The following GPR158 variants were observed in gnomAD, a reference collection of about 807,000 sequenced individuals.
The protein encoded by GPR158 is G protein-coupled receptor 158.
GPR158 carries 30 observed loss-of-function variants against 78.2 expected under a neutral mutation model. The ratio of observed to expected loss-of-function variants is 0.38; its 90% confidence interval spans 0.29 to 0.52. The LOEUF (loss-of-function observed/expected upper bound fraction) is 0.52. Among genes scored for constraint, GPR158 ranks in the 20% least tolerant of loss-of-function variants. GPR158 has a pLI of 0.83. For missense variants in GPR158, 1,463 were observed against 1,523.5 expected, an observed-to-expected ratio of 0.96 and a Z score of 0.66; for synonymous variants, 581 against 591.1, an observed-to-expected ratio of 0.98 and a Z score of 0.25.
chr10:25,371,427 G>T (rs184794708), intron 2 of GPR158, among the ~76,000 whole-genome samples: 7 of 151,802 alleles, frequency 4.6e-5, no homozygotes, highest in Admixed American at 2.0e-4. Context: ...AACAAAGCTG[G>T]AGGCATCATG....
chr10:25,407,067 T>C (rs1230626712), intron 3 of GPR158, among the ~76,000 whole-genome samples: 2 of 152,196 alleles, frequency 1.3e-5, no homozygotes, highest in African/African-American at 4.8e-5. Flanking sequence ...GCTTAGATTT[T>C]GAATAACTTA....
chr10:25,520,424 C>T (rs1164931047), intron 5 of GPR158, among the ~76,000 whole-genome samples: 31 of 150,364 alleles, frequency 2.1e-4, no homozygotes, highest in East Asian at 3.9e-4. Context: ...TGAGGAACTG[C>T]GTTCCTTTGG....
At chr10:25,552,081 A>T (rs1836733164) in intron 6 of GPR158, among the ~76,000 whole-genome samples, 1 of 152,120 alleles carries the variant, frequency 6.6e-6, no homozygotes, top group African/African-American at 2.4e-5. Context: ...CTTTTTGGGA[A>T]AAAAAAGTGA....
At chr10:25,593,064 C>G (rs1837362433) in intron 8 of GPR158, among the ~76,000 whole-genome samples, 1 of 151,926 alleles carries the variant, frequency 6.6e-6, no homozygotes, top group Non-Finnish European at 1.5e-5. Context: ...AAAGCCCTAT[C>G]CCTGTTTAAT....
At chr10:25,341,179 A>G (rs2130506406) in intron 2 of GPR158, among the ~76,000 whole-genome samples, 1 of 152,170 alleles carries the variant, frequency 6.6e-6, no homozygotes, top group South Asian at 2.1e-4. Flanking sequence ...GAGCAGCACT[A>G]AAGAAAATAT....
chr10:25,540,948 ATATATATAT>A (rs1564484208), intron 5 of GPR158, among the ~76,000 whole-genome samples: 126 of 17,378 alleles, frequency 7.3e-3, no homozygotes, highest in African/African-American at 0.033. Flanking sequence ...TAATAAAAAT[ATATATATAT>A]ATATATATAT....
At chr10:25,369,161 C>T (rs1833952182) in intron 2 of GPR158, among the ~76,000 whole-genome samples, 1 of 151,426 alleles carries the variant, frequency 6.6e-6, no homozygotes, top group Admixed American at 6.6e-5. Flanking sequence ...CCCTTTATTT[C>T]CTTCTCCTGC....
Position 25,488,005 on chromosome 10 carries a change from T to A in GPR158, c.1404+21286T>A, listed in dbSNP as rs142246803. On this transcript the variant is annotated intron_variant, in intron 5 of 10. Transcript: ENST00000376351. ...TAATTATTAAATGGAAGTATTAGAA[T>A]ACCTTAGCATTAGGATTGGCTGCGA... Among the ~76,000 whole-genome samples, 3 of 152,258 alleles carry A rather than the reference T, an allele frequency of 2.0e-5. No homozygotes were observed. The South Asian group carries it at 6.2e-4, about 32-fold the overall frequency.
intron 5 of GPR158, among the ~76,000 whole-genome samples, chr10:25,485,447 T>C (rs1835723776): frequency 6.6e-6 from 1 of 152,080 alleles, no homozygotes; most frequent in Non-Finnish European, 1.5e-5. Flanking sequence ...AAACGTGAGA[T>C]TGAATGGAGC....
chr10:25,294,395 T>C (rs1015367766), intron 2 of GPR158, among the ~76,000 whole-genome samples: 1 of 152,216 alleles, frequency 6.6e-6, no homozygotes, highest in African/African-American at 2.4e-5. Context: ...GAAATCCCTC[T>C]TTAAATCAAC....
intron 5 of GPR158, among the ~76,000 whole-genome samples, chr10:25,481,373 A>C (rs1385561614): frequency 2.0e-5 from 3 of 152,172 alleles, no homozygotes; most frequent in Non-Finnish European, 4.4e-5. Flanking sequence ...AATAGAGTCG[A>C]GTATATGTCC....
chr10:25,180,384 A>G (rs1221270533), intron 1 of GPR158, among the ~76,000 whole-genome samples: 3 of 152,248 alleles, frequency 2.0e-5, no homozygotes, highest in Non-Finnish European at 4.4e-5. Flanking sequence ...GAGCTAAAAT[A>G]AAATTTAGAT....
chr10:25,269,525 CA>C (rs1854088304), intron 2 of GPR158, among the ~76,000 whole-genome samples: 1 of 152,144 alleles, frequency 6.6e-6, no homozygotes. Flanking sequence ...AAGGAAAGAG[CA>C]GGGATTAAAT....
At chr10:25,391,315 C>G (rs1366622798) in intron 2 of GPR158, among the ~76,000 whole-genome samples, 1 of 152,164 alleles carries the variant, frequency 6.6e-6, no homozygotes, top group Non-Finnish European at 1.5e-5. Flanking sequence ...AATGGTAGAT[C>G]CACCAACAGC....
At chr10:25,366,399 C>T (rs1314702296) in intron 2 of GPR158, among the ~76,000 whole-genome samples, 1 of 151,378 alleles carries the variant, frequency 6.6e-6, no homozygotes, top group African/African-American at 2.4e-5. Flanking sequence ...GAGTTTTGTC[C>T]ATTTTGATGA....
At chr10:25,373,030 C>G (rs1342884069) in intron 2 of GPR158, among the ~76,000 whole-genome samples, 1 of 151,678 alleles carries the variant, frequency 6.6e-6, no homozygotes, top group African/African-American at 2.4e-5. Context: ...TTCATGATAG[C>G]AAAGGCATGG....
chr10:25,186,422 G>A (rs376916257), intron 1 of GPR158, among the ~76,000 whole-genome samples: 8 of 151,996 alleles, frequency 5.3e-5, no homozygotes, highest in Admixed American at 2.0e-4. Context: ...CAAAAAATCA[G>A]TGAATCCAGG....
At chr10:25,517,221 T>A (rs1353502469) in intron 5 of GPR158, among the ~76,000 whole-genome samples, 3 of 149,464 alleles carry the variant, frequency 2.0e-5, no homozygotes, top group African/African-American at 7.5e-5. Context: ...ACATTGATTT[T>A]GTATCCTGAG....
chr10:25,588,957 T>G (rs753939320), intron 7 of GPR158, 50 bp from the exon 8 acceptor site: 1 of 1,351,682 alleles, frequency 7.4e-7, no homozygotes, highest in South Asian at 1.8e-5. Context: ...AAAGAAGAAT[T>G]TTATTTCTTC....
Sources: allele counts gnomAD v4.1 joint callset (sites outside exome capture counted in the v4.1 genomes callset), GRCh38; gene constraint gnomAD v4.1.1; transcripts MANE v1.5; gene names NCBI Gene and HGNC (gene_info 2026-07-23, HGNC 2026-07-21).